APBA2: variants seen among roughly 807,000 people sequenced by gnomAD.
The protein encoded by APBA2 is amyloid-beta A4 precursor protein-binding family A member 2.
Under a neutral mutation model 75.0 loss-of-function variants are expected in APBA2, and 30 were observed. That is an observed-to-expected ratio of 0.40 (90% CI 0.30 to 0.54). The LOEUF is 0.54. APBA2 is among the 20% of genes least tolerant of loss of function. The pLI is 0.49. For missense variants in APBA2, 801 were observed against 1,016.1 expected (o/e 0.79, Z 2.88); for synonymous variants, 444 against 409.6 (o/e 1.08, Z -1.01).
chr15:28,927,545 T>G (rs2034335827), intron 2 of APBA2, among the ~76,000 whole-genome samples: 1 of 152,046 alleles, frequency 6.6e-6, no homozygotes, highest in Non-Finnish European at 1.5e-5. Flanking sequence ...CCACAGTTCT[T>G]GGATACTTTG....
At chr15:28,946,181 A>C (rs949318424) in intron 2 of APBA2, among the ~76,000 whole-genome samples, 1 of 152,224 alleles carries the variant, frequency 6.6e-6, no homozygotes, top group Admixed American at 6.5e-5. Context: ...TGGTCTTCAG[A>C]GATATCCACA....
chr15:29,078,858 G>A (rs1446424560), intron 6 of APBA2, among the ~76,000 whole-genome samples: 1 of 152,186 alleles, frequency 6.6e-6, no homozygotes, highest in Non-Finnish European at 1.5e-5. Flanking sequence ...CATTAGGAAA[G>A]CAAAGGTTTT....
chr15:28,951,209 T>C (rs1258867684), intron 2 of APBA2, among the ~76,000 whole-genome samples: 1 of 152,238 alleles, frequency 6.6e-6, no homozygotes, highest in Non-Finnish European at 1.5e-5. Context: ...GGATTTAAAA[T>C]ATATTGAAGA....
chr15:28,947,662 TG>T (rs1458124125), intron 2 of APBA2, among the ~76,000 whole-genome samples: 1 of 152,120 alleles, frequency 6.6e-6, no homozygotes, highest in Non-Finnish European at 1.5e-5. Flanking sequence ...CACAGCCTCC[TG>T]GGAACCAGAG....
intron 10 of APBA2, 103 bp from the exon 11 acceptor site, chr15:29,105,276 T>G (rs2044336114): frequency 8.4e-7 from 1 of 1,197,104 alleles, no homozygotes; most frequent in Non-Finnish European, 1.2e-6. Flanking sequence ...CTTGAAGGCT[T>G]ATGGGTGCAT....
chr15:28,922,531 A>G (rs2034026980), intron 2 of APBA2, among the ~76,000 whole-genome samples: 1 of 152,152 alleles, frequency 6.6e-6, no homozygotes, highest in Admixed American at 6.5e-5. Context: ...GCCCAGTGGA[A>G]TATCTCAGTG....
rs1490701619 is a variant in APBA2 at position 28,916,861 on chromosome 15, A to T, written c.-204-4779A>T. Among the ~76,000 whole-genome samples the T allele has an allele frequency of 1.4e-4, 21 of 152,320 alleles. 1 individual carries two copies. The highest frequency in any genetic ancestry group is 1.1e-3 in the Admixed American group (17 of 15,310). On this transcript the variant is annotated intron_variant, in intron 1 of 14. Transcript: ENST00000683413. ...TCCAGTTTTTTAAAAGATTGCGGCAATGAAAATCTTCAGACATCATTTTTT... is the reference window on the plus strand; with the variant it reads ...TCCAGTTTTTTAAAAGATTGCGGCATTGAAAATCTTCAGACATCATTTTTT...
Position 28,901,535 on chromosome 15 carries a change from A to G in APBA2, c.-205+15257A>G, listed in dbSNP as rs534576705. Among the ~76,000 whole-genome samples the G allele has an allele frequency of 2.6e-5, 4 of 152,230 alleles. No homozygotes were observed. The South Asian group carries it at 8.3e-4, about 32-fold the overall frequency. ...TGCTGTGTGTGGTTCAGAAGCACAG[A>G]CGCATGACTTCTCTGTGCCCTGGAT... On this transcript the variant is annotated intron_variant, in intron 1 of 14. Coordinates refer to ENST00000683413, the MANE Select transcript of APBA2 (RefSeq NM_001353788.2).
At chr15:29,061,690 C>G (rs1487136621) in intron 4 of APBA2, among the ~76,000 whole-genome samples, 1 of 152,142 alleles carries the variant, frequency 6.6e-6, no homozygotes, top group Non-Finnish European at 1.5e-5. Context: ...TTTTGAAGAA[C>G]CTTCTGAGAG....
chr15:29,053,893 C>T lies in APBA2; in HGVS notation c.9C>T (p.His3=). Residue 3 remains histidine, a synonymous_variant, in exon 4 of 15, where the codon CAC becomes CAT. Transcript: ENST00000683413. MA[H]RKLESVGSGM... ...CTGTGTGAACGACTGCCATGGCCCA[C>T]CGGAAGCTTGAGAGCGTGGGGAGCG... 1.2e-6 allele frequency: 2 copies of T among 1,611,034 alleles called. No individual in the cohort carries two copies. The highest frequency in any genetic ancestry group is 1.7e-6 in the Non-Finnish European group (2 of 1,177,652).
At chr15:28,959,956 C>A (rs530671754) in intron 2 of APBA2, among the ~76,000 whole-genome samples, 84 of 152,210 alleles carry the variant, frequency 5.5e-4, no homozygotes, top group Non-Finnish European at 4.0e-4. Flanking sequence ...GCAGCCTGGG[C>A]AACATGGTGA....
intron 2 of APBA2, among the ~76,000 whole-genome samples, chr15:28,966,083 T>C (rs2036721559): frequency 6.7e-6 from 1 of 148,760 alleles, no homozygotes; most frequent in South Asian, 2.1e-4. Context: ...TTTAATTTTT[T>C]TGAATTTATT....
chr15:29,081,134 G>T (rs1268837884), intron 6 of APBA2, among the ~76,000 whole-genome samples: 2 of 152,138 alleles, frequency 1.3e-5, no homozygotes, highest in Non-Finnish European at 2.9e-5. Context: ...CTGCTTTGTT[G>T]GTTTCATACA....
chr15:29,086,752 C>T (rs2043308844), intron 6 of APBA2, among the ~76,000 whole-genome samples: 1 of 152,354 alleles, frequency 6.6e-6, no homozygotes, highest in East Asian at 1.9e-4. Context: ...TAGATCACAA[C>T]TGGATACACT....
At chr15:29,088,021 G>A (rs1566991762) in intron 6 of APBA2, among the ~76,000 whole-genome samples, 1 of 152,082 alleles carries the variant, frequency 6.6e-6, no homozygotes, top group Admixed American at 6.5e-5. Context: ...CGGAATCTGG[G>A]AGTGGCAGCC....
intron 11 of APBA2, 80 bp downstream of exon 11, chr15:29,105,638 G>T: frequency 6.6e-7 from 1 of 1,515,600 alleles, no homozygotes; most frequent in Non-Finnish European, 9.1e-7. Context: ...GAGCCTTCCC[G>T]GGGTCCTCAC....
At chr15:29,101,564 T>C in intron 9 of APBA2, 35 bp from the exon 10 acceptor site, 1 of 1,601,232 alleles carries the variant, frequency 6.2e-7, no homozygotes. Context: ...GTCCCAGTAG[T>C]GTTCCCTGAC....
chr15:28,963,072 T>C (rs943959604), intron 2 of APBA2, among the ~76,000 whole-genome samples: 2 of 152,328 alleles, frequency 1.3e-5, no homozygotes, highest in East Asian at 3.9e-4. Context: ...CTGAATGGGA[T>C]GCTGTGGCAG....
chr15:28,985,616 G>A (rs1372380129), intron 2 of APBA2, among the ~76,000 whole-genome samples: 1 of 152,212 alleles, frequency 6.6e-6, no homozygotes, highest in Non-Finnish European at 1.5e-5. Context: ...GAGGGAAATA[G>A]CACATGTTGA....
Sources: allele counts gnomAD v4.1 joint callset (sites outside exome capture counted in the v4.1 genomes callset), GRCh38; gene constraint gnomAD v4.1.1; transcripts MANE v1.5; gene names NCBI Gene and HGNC (gene_info 2026-07-23, HGNC 2026-07-21).